The following SYT1 variants were observed in gnomAD, a reference collection of about 807,000 sequenced individuals.
SYT1 encodes synaptotagmin 1, also known as synaptotagmin-1.
A neutral mutation model predicts 44.8 loss-of-function variants in SYT1; 8 were observed. That is an observed-to-expected ratio of 0.18 (90% CI 0.10 to 0.32). SYT1 has a LOEUF of 0.32. SYT1 is among the 10% of genes least tolerant of loss of function. SYT1 has a pLI of 1.00. For missense variants in SYT1, 286 were observed against 509.3 expected (o/e 0.56, Z 4.22); for synonymous variants, 154 against 188.8 (o/e 0.82, Z 1.51).
At chr12:79,403,380 C>T (rs2136118691) in intron 9 of SYT1, among the ~76,000 whole-genome samples, 1 of 152,174 alleles carries the variant, frequency 6.6e-6, no homozygotes, top group East Asian at 1.9e-4. Flanking sequence ...AGACTGGAGA[C>T]CCAGGAAATA....
intron 8 of SYT1, among the ~76,000 whole-genome samples, chr12:79,335,002 T>G (rs1419990159): frequency 4.6e-5 from 7 of 152,168 alleles, no homozygotes; most frequent in African/African-American, 1.7e-4. Context: ...TCTCCCACAA[T>G]TCATTCCCCC....
At chr12:79,285,437 A>G (rs1879262491) in intron 4 of SYT1, among the ~76,000 whole-genome samples, 1 of 152,216 alleles carries the variant, frequency 6.6e-6, no homozygotes, top group African/African-American at 2.4e-5. Context: ...CCAAGATCAC[A>G]CAGCTAGTAA....
chr12:79,317,178 C>T (rs1286770035), intron 8 of SYT1, among the ~76,000 whole-genome samples: 1 of 152,176 alleles, frequency 6.6e-6, no homozygotes, highest in Non-Finnish European at 1.5e-5. Flanking sequence ...ACTCTCACTG[C>T]AGGGCTAGTG....
At position 79,198,594 on chromosome 12, in the gene SYT1, C is replaced by G. The variant is rs1488688611; in HGVS notation, c.-17-18909C>G. On this transcript the variant is annotated intron_variant, in intron 3 of 10. Transcript: ENST00000261205. ...TAAAATTATTTTGAAGCAGCATGAA[C>G]TCTCTCTGGACGGTTTTGGAATTTC... 2.0e-5 allele frequency among the ~76,000 whole-genome samples: 3 copies of G among 152,148 alleles called. No individual in the cohort carries two copies. The East Asian group carries it at 5.8e-4, about 29-fold the overall frequency.
chr12:79,296,404 T>C (rs1009311220), intron 7 of SYT1, among the ~76,000 whole-genome samples, 168 bp downstream of exon 7: 2 of 152,206 alleles, frequency 1.3e-5, no homozygotes, highest in African/African-American at 4.8e-5. Flanking sequence ...ACATTCGATA[T>C]TGCCTTTCAG....
intron 8 of SYT1, among the ~76,000 whole-genome samples, chr12:79,308,416 C>T (rs1245452288): frequency 6.6e-6 from 1 of 150,730 alleles, no homozygotes; most frequent in Admixed American, 6.6e-5. Flanking sequence ...CCCAGCTACT[C>T]GGGAGGCTGA....
intron 3 of SYT1, among the ~76,000 whole-genome samples, chr12:79,196,769 A>G (rs1873488275): frequency 6.6e-6 from 1 of 152,232 alleles, no homozygotes; most frequent in Admixed American, 6.5e-5. Context: ...AAGAGAGTCA[A>G]TCAATTAGGG....
At chr12:79,420,124 A>G (rs1016828843) in intron 9 of SYT1, among the ~76,000 whole-genome samples, 1 of 152,150 alleles carries the variant, frequency 6.6e-6, no homozygotes, top group African/African-American at 2.4e-5. Flanking sequence ...ACAATACAAC[A>G]TAGCTCCTTG....
chr12:79,000,340 G>A (rs527796560), intron 2 of SYT1, among the ~76,000 whole-genome samples: 14 of 141,868 alleles, frequency 9.9e-5, no homozygotes, highest in African/African-American at 2.9e-4. Flanking sequence ...GTTGCCCAGC[G>A]TGGAGTGCAA....
rs554700991 is a variant in SYT1 at position 78,870,916 on chromosome 12, G to A, written c.-217+5807G>A. ...TCAAAACATGCAGAGCTGTACTTAC[G>A]TGAACACTTTTAAAATGCGATACTG... On this transcript the variant is annotated intron_variant, in intron 1 of 10. Transcript: ENST00000261205. 1.0e-3 allele frequency among the ~76,000 whole-genome samples: 154 copies of A among 152,082 alleles called. 5 individuals carry two copies. Among genetic ancestry groups the A allele is most frequent in the Non-Finnish European group, 6.2e-4 (42 of 67,940 alleles).
At chr12:79,006,636 C>CTTTTGGGTTTGGG (rs1871105138) in intron 2 of SYT1, among the ~76,000 whole-genome samples, 1 of 151,896 alleles carries the variant, frequency 6.6e-6, no homozygotes, top group African/African-American at 2.4e-5. Context: ...TGAATTTTTT[C>CTTTTGGGTTTGGG]TTTTGTTTTG....
chr12:79,035,719 AT>A (rs1873086363), intron 2 of SYT1, among the ~76,000 whole-genome samples: 1 of 151,632 alleles, frequency 6.6e-6, no homozygotes. Context: ...CATAAGAGAC[AT>A]TCTGCTCTGT....
chr12:78,904,541 A>G (rs17045912), intron 1 of SYT1, among the ~76,000 whole-genome samples: 4,191 of 152,228 alleles, frequency 0.028, 188 homozygotes, highest in African/African-American at 0.096. Context: ...ATTCTAGAGT[A>G]GCTCATGATA....
intron 2 of SYT1, among the ~76,000 whole-genome samples, chr12:78,987,444 GA>G (rs1457829096): frequency 2.6e-5 from 4 of 151,634 alleles, no homozygotes; most frequent in Admixed American, 2.0e-4. Context: ...AGATGTGGGG[GA>G]AAAAAAGACA....
intron 9 of SYT1, among the ~76,000 whole-genome samples, chr12:79,432,338 T>A (rs1284157232): frequency 6.6e-6 from 1 of 152,030 alleles, no homozygotes; most frequent in Non-Finnish European, 1.5e-5. Context: ...CATTAGGTAT[T>A]TTTCCTAATG....
chr12:79,229,517 G>A (rs771670698), intron 4 of SYT1, among the ~76,000 whole-genome samples: 31 of 152,056 alleles, frequency 2.0e-4, no homozygotes, highest in Non-Finnish European at 1.8e-4. Context: ...TACCGTGTAC[G>A]TGTGTTTTAA....
At chr12:78,976,293 T>C (rs553549919) in intron 1 of SYT1, among the ~76,000 whole-genome samples, 10 of 152,264 alleles carry the variant, frequency 6.6e-5, no homozygotes, top group African/African-American at 2.2e-4. Context: ...TCACAGATAG[T>C]AAAGAAGTAT....
intron 3 of SYT1, among the ~76,000 whole-genome samples, chr12:79,102,202 T>C (rs1290763947): frequency 6.6e-6 from 1 of 152,138 alleles, no homozygotes; most frequent in East Asian, 1.9e-4. Flanking sequence ...ATAATATTGA[T>C]TTCTGTGCAT....
At chr12:79,219,765 A>G (rs141502969) in intron 4 of SYT1, among the ~76,000 whole-genome samples, 1 of 152,178 alleles carries the variant, frequency 6.6e-6, no homozygotes, top group African/African-American at 2.4e-5. Context: ...ATAAAACTAT[A>G]ACTCTGTACT....
Sources: gnomAD v4.1 joint callset for allele counts (sites outside exome capture counted in the v4.1 genomes callset) on GRCh38, gnomAD v4.1.1 for gene constraint, MANE v1.5 for transcripts, NCBI Gene and HGNC (gene_info 2026-07-23, HGNC 2026-07-21) for gene names.